ESRRG: variants seen among roughly 807,000 people sequenced by gnomAD.
ESRRG encodes estrogen related receptor gamma.
A neutral mutation model predicts 44.0 loss-of-function variants in ESRRG; 13 were observed. That is an observed-to-expected ratio of 0.30 (90% CI 0.19 to 0.47). The LOEUF is 0.47. Among genes scored for constraint, ESRRG ranks in the 20% least tolerant of loss-of-function variants. ESRRG has a pLI of 1.00. For synonymous variants in ESRRG, 215 were observed against 214.6 expected (o/e 1.00, Z -0.02); for missense variants, 395 against 580.6 (o/e 0.68, Z 3.29).
intron 1 of ESRRG, among the ~76,000 whole-genome samples, chr1:217,019,466 T>C (rs2079955857): frequency 6.6e-6 from 1 of 152,176 alleles, no homozygotes; most frequent in Non-Finnish European, 1.5e-5. Context: ...CACACAAGCA[T>C]ATCCATGGTA....
At chr1:216,995,791 T>C (rs578238001) in intron 1 of ESRRG, among the ~76,000 whole-genome samples, 1 of 152,336 alleles carries the variant, frequency 6.6e-6, no homozygotes, top group South Asian at 2.1e-4. Flanking sequence ...ATTTTAAGAA[T>C]TGCTTACACC....
intron 5 of ESRRG, among the ~76,000 whole-genome samples, chr1:216,547,461 A>G (rs2054896837): frequency 6.6e-6 from 1 of 151,686 alleles, no homozygotes; most frequent in Non-Finnish European, 1.5e-5. Context: ...AATGCTATCA[A>G]GTATTTAAAA....
At chr1:216,571,920 T>G (rs2060877754) in intron 3 of ESRRG, among the ~76,000 whole-genome samples, 1 of 152,106 alleles carries the variant, frequency 6.6e-6, no homozygotes, top group East Asian at 1.9e-4. Flanking sequence ...ACTCATCAAG[T>G]TTAGATAGCG....
At chr1:216,918,370 C>T (rs756694177) in intron 2 of ESRRG, among the ~76,000 whole-genome samples, 2 of 152,078 alleles carry the variant, frequency 1.3e-5, no homozygotes, top group African/African-American at 2.4e-5. Flanking sequence ...CTTGCTGTCT[C>T]GGTCATCTGA....
intron 1 of ESRRG, among the ~76,000 whole-genome samples, chr1:216,975,088 T>C (rs914942452): frequency 2.6e-5 from 4 of 152,212 alleles, no homozygotes; most frequent in African/African-American, 9.6e-5. Context: ...GTTTTGTTAC[T>C]TTTGTTGATT....
intron 1 of ESRRG, among the ~76,000 whole-genome samples, chr1:216,940,647 G>A (rs1270792443): frequency 3.9e-5 from 6 of 152,176 alleles, no homozygotes; most frequent in African/African-American, 1.4e-4. Context: ...TGTGGTAACT[G>A]TAGACTTTGG....
rs183392478 is a variant in ESRRG, at chr1:216,884,261, A to G, written c.-14+55321T>C. ...ACACAGCATGCTGCATGACAGATAT[A>G]TTTGCAAAAAAGACTTAGATAGCAG... is the stretch of plus-strand genomic sequence containing the variant. On this transcript the variant is annotated intron_variant, in intron 2 of 7. Transcript: ENST00000359162. Among the ~76,000 whole-genome samples the G allele has an allele frequency of 1.5e-3, 230 of 152,352 alleles. 1 individual carries two copies. The highest frequency in any genetic ancestry group is 2.6e-3 in the Non-Finnish European group (175 of 68,024).
intron 1 of ESRRG, among the ~76,000 whole-genome samples, chr1:217,107,504 GT>G (rs1004335702): frequency 7.9e-5 from 12 of 152,334 alleles, no homozygotes; most frequent in African/African-American, 2.9e-4. Context: ...CCTGGGGTTA[GT>G]TTGTGAAGTT....
At chr1:217,114,705 C>T (rs2092701131) in intron 1 of ESRRG, among the ~76,000 whole-genome samples, 1 of 131,324 alleles carries the variant, frequency 7.6e-6, no homozygotes. Context: ...GAGTCTTGCT[C>T]TGTCATCAGG....
At chr1:216,589,476 A>T (rs1014575259) in intron 3 of ESRRG, among the ~76,000 whole-genome samples, 1 of 152,192 alleles carries the variant, frequency 6.6e-6, no homozygotes. Flanking sequence ...AAAAGATTGG[A>T]TACCCCTGAT....
upstream of ESRRG, among the ~76,000 whole-genome samples, chr1:217,093,069 T>G (rs1464032788): frequency 6.6e-6 from 1 of 152,214 alleles, no homozygotes; most frequent in African/African-American, 2.4e-5. Flanking sequence ...ATAGCTCTTA[T>G]GAGTCTTTCT....
At chr1:216,583,076 G>A (rs2063108224) in intron 3 of ESRRG, among the ~76,000 whole-genome samples, 1 of 152,042 alleles carries the variant, frequency 6.6e-6, no homozygotes, top group Non-Finnish European at 1.5e-5. Context: ...AAAGAAGGCA[G>A]TAAAAATCAT....
At chr1:216,577,769 G>T (rs2061954698) in intron 3 of ESRRG, among the ~76,000 whole-genome samples, 1 of 151,708 alleles carries the variant, frequency 6.6e-6, no homozygotes, top group South Asian at 2.1e-4. Context: ...TTAAAATATA[G>T]ATTTTTTTAA....
chr1:216,963,201 A>G (rs1262288848), intron 1 of ESRRG, among the ~76,000 whole-genome samples: 1 of 152,224 alleles, frequency 6.6e-6, no homozygotes, highest in African/African-American at 2.4e-5. Context: ...AGGAAAGAAC[A>G]AAAGGAAATG....
intron 5 of ESRRG, among the ~76,000 whole-genome samples, chr1:216,538,292 G>A (rs4420152): frequency 6.6e-6 from 1 of 151,788 alleles, no homozygotes; most frequent in African/African-American, 2.4e-5. Context: ...AACTTGGAAG[G>A]TCTCAAGGAC....
In ESRRG at chr1:216,767,703, A is replaced by T. The variant is rs146446791; in HGVS notation, c.-13-90212T>A. On this transcript the variant is annotated intron_variant, in intron 2 of 7. Coordinates refer to the ESRRG transcript ENST00000359162. ...ATGGCACAAGAGAATCCTTTACACA[A>T]TTTTTTTCTTCAAATGAATTTTCTC... Among the ~76,000 whole-genome samples, 62 of 152,158 alleles carry T rather than the reference A, an allele frequency of 4.1e-4. No homozygotes were observed. In the East Asian group the frequency reaches 0.011, roughly 28 times the overall value.
intron 1 of ESRRG, among the ~76,000 whole-genome samples, chr1:217,081,455 G>A (rs1053227298): frequency 2.0e-5 from 3 of 151,948 alleles, no homozygotes; most frequent in Admixed American, 6.6e-5. Context: ...TCGAACTCCC[G>A]ACCTCAGGTG....
chr1:217,028,091 T>C (rs1280383171), intron 1 of ESRRG, among the ~76,000 whole-genome samples: 2 of 152,130 alleles, frequency 1.3e-5, no homozygotes, highest in Non-Finnish European at 1.5e-5. Context: ...GGATCCCATG[T>C]CTAGAATTTC....
chr1:216,562,993 G>T (rs2059061509), intron 5 of ESRRG, among the ~76,000 whole-genome samples: 1 of 152,044 alleles, frequency 6.6e-6, no homozygotes, highest in African/African-American at 2.4e-5. Context: ...CAATCCAACT[G>T]CAATATCAAA....
Sources: gnomAD v4.1 joint callset for allele counts (sites outside exome capture counted in the v4.1 genomes callset) on GRCh38, gnomAD v4.1.1 for gene constraint, MANE v1.5 for transcripts, NCBI Gene and HGNC (gene_info 2026-07-23, HGNC 2026-07-21) for gene names.